The following SUGCT variants were observed in gnomAD, a reference collection of about 807,000 sequenced individuals.
SUGCT encodes succinyl-CoA:glutarate-CoA transferase.
Under a neutral mutation model 55.0 loss-of-function variants are expected in SUGCT, and 41 were observed. The observed-to-expected ratio is 0.74, with a 90% confidence interval of 0.58 to 0.97. The LOEUF (loss-of-function observed/expected upper bound fraction) is 0.97, where lower values mean the gene tolerates loss of function less well. Among genes scored for constraint, SUGCT ranks in the 50% least tolerant of loss-of-function variants. The pLI, the probability that SUGCT is intolerant of heterozygous loss-of-function variation, is 0.00. For missense variants in SUGCT, 568 were observed against 547.8 expected (o/e 1.04, Z -0.37); for synonymous variants, 187 against 200.4 (o/e 0.93, Z 0.56).
intron 12 of SUGCT, among the ~76,000 whole-genome samples, chr7:40,575,743 C>T (rs562226787): frequency 1.5e-4 from 23 of 151,894 alleles, no homozygotes; most frequent in Non-Finnish European, 2.6e-4. Context: ...GTCAGGAGTT[C>T]GAGACCAGCC....
At chr7:40,379,836 G>A (rs957733320) in intron 9 of SUGCT, among the ~76,000 whole-genome samples, 1 of 152,190 alleles carries the variant, frequency 6.6e-6, no homozygotes, top group African/African-American at 2.4e-5. Context: ...CCCTGGGCAT[G>A]CAAACGTTTC....
chr7:40,558,188 G>A (rs967568782), intron 12 of SUGCT, among the ~76,000 whole-genome samples: 1 of 152,064 alleles, frequency 6.6e-6, no homozygotes, highest in East Asian at 1.9e-4. Flanking sequence ...AAATGGTGCA[G>A]CCTCTGTGAA....
At chr7:40,906,148 C>A in the SUGCT span, among the ~76,000 whole-genome samples, 1 of 149,784 alleles carries the variant, frequency 6.7e-6, no homozygotes, top group Non-Finnish European at 1.5e-5. Flanking sequence ...TTTTTTTTTG[C>A]ATCAAACTTC....
chr7:40,965,683 G>A, the SUGCT span: 3 of 152,138 alleles, frequency 2.0e-5, no homozygotes, highest in Admixed American at 1.3e-4. Flanking sequence ...GTTGATTTAA[G>A]TTTCAGAGAT....
chr7:40,495,103 G>C (rs1209879125), intron 11 of SUGCT, among the ~76,000 whole-genome samples: 2 of 151,866 alleles, frequency 1.3e-5, no homozygotes, highest in Admixed American at 6.6e-5. Flanking sequence ...GTAGAGACAG[G>C]GTTTCACCAT....
rs1790360007 is a variant in SUGCT, at chr7:40,470,747, G to GTT, written c.986+11550_986+11551insTT. On this transcript the variant is annotated intron_variant, in intron 11 of 13. Transcript: ENST00000335693. Reference sequence around the variant, plus strand: ...GCTAGGAAAAGAAACTAAGTGAACAGTCTCTCTCTCTCTCTCTCTCTCTCT... The same window carrying GTT: ...GCTAGGAAAAGAAACTAAGTGAACAGTTTCTCTCTCTCTCTCTCTCTCTCTCT... 2.0e-5 allele frequency among the ~76,000 whole-genome samples: 3 copies of GTT among 146,384 alleles called. No individual in the cohort carries two copies. In the South Asian group the frequency reaches 6.6e-4, roughly 32 times the overall value.
chr7:40,178,550 G>A (rs1529066), intron 1 of SUGCT, among the ~76,000 whole-genome samples: 1 of 147,894 alleles, frequency 6.8e-6, no homozygotes, highest in African/African-American at 2.5e-5. Flanking sequence ...AATTTTAAGG[G>A]TTTTTTTTTT....
chr7:41,014,462 G>T, the SUGCT span, among the ~76,000 whole-genome samples: 1 of 150,464 alleles, frequency 6.6e-6, no homozygotes, highest in African/African-American at 2.4e-5. Flanking sequence ...AAGTGAGAAG[G>T]GGCCTATTAT....
intron 6 of SUGCT, among the ~76,000 whole-genome samples, chr7:40,216,116 TTTTTTTTTTAACTTG>T (rs1450821003): frequency 6.6e-6 from 1 of 152,006 alleles, no homozygotes; most frequent in East Asian, 1.9e-4. Context: ...AGGCTTTTTT[TTTTTTTTTTAACTTG>T]TTTTGGGAAA....
intron 11 of SUGCT, among the ~76,000 whole-genome samples, chr7:40,475,876 G>A (rs1429040276): frequency 6.6e-6 from 1 of 151,922 alleles, no homozygotes; most frequent in Non-Finnish European, 1.5e-5. Context: ...CTATAAATAA[G>A]TCTATCAAAT....
At chr7:40,979,560 C>A in the SUGCT span, 151,716 of 152,366 alleles carry the variant, frequency 1, 75,533 homozygotes, top group Middle Eastern at 1. Context: ...GTGAAACTTC[C>A]TTTTGACACA....
At chr7:40,160,311 C>G (rs1784085892) in intron 1 of SUGCT, among the ~76,000 whole-genome samples, 1 of 152,188 alleles carries the variant, frequency 6.6e-6, no homozygotes, top group South Asian at 2.1e-4. Context: ...TCACTGCAAC[C>G]TCTTGCTCCC....
At chr7:40,248,917 C>CACACAT (rs1554296257) in intron 7 of SUGCT, among the ~76,000 whole-genome samples, 3 of 146,920 alleles carry the variant, frequency 2.0e-5, no homozygotes, top group African/African-American at 7.4e-5. Context: ...CACGCACACA[C>CACACAT]ACACACACTC....
the SUGCT span, among the ~76,000 whole-genome samples, chr7:40,889,499 G>A: frequency 6.6e-6 from 1 of 151,974 alleles, no homozygotes; most frequent in Admixed American, 6.6e-5. Context: ...CCTTTTTAAG[G>A]GCCTGATCAT....
intron 13 of SUGCT, among the ~76,000 whole-genome samples, chr7:40,827,688 A>G (rs1443117571): frequency 2.6e-5 from 4 of 152,146 alleles, no homozygotes; most frequent in African/African-American, 9.7e-5. Flanking sequence ...CTTTGTGGCC[A>G]GGATACTTGA....
At chr7:40,150,039 G>C (rs1187403018) in intron 1 of SUGCT, among the ~76,000 whole-genome samples, 1 of 150,666 alleles carries the variant, frequency 6.6e-6, no homozygotes. Flanking sequence ...GTTGCAGTGA[G>C]CCAAGATCAC....
chr7:40,969,269 T>C, the SUGCT span, among the ~76,000 whole-genome samples: 3 of 152,250 alleles, frequency 2.0e-5, no homozygotes, highest in Non-Finnish European at 4.4e-5. Context: ...CTGCTTATGA[T>C]AAGGGATCAC....
chr7:40,473,154 GC>G (rs1386322100), intron 11 of SUGCT, among the ~76,000 whole-genome samples: 1 of 152,124 alleles, frequency 6.6e-6, no homozygotes, highest in East Asian at 1.9e-4. Context: ...AATGACTTCT[GC>G]CATAAGTAGC....
At chr7:40,329,359 C>CT (rs1796185516) in intron 9 of SUGCT, among the ~76,000 whole-genome samples, 1 of 152,240 alleles carries the variant, frequency 6.6e-6, no homozygotes, top group South Asian at 2.1e-4. Flanking sequence ...CTGTTTCCTT[C>CT]TTAAGTTTGC....
Sources: allele counts gnomAD v4.1 joint callset (sites outside exome capture counted in the v4.1 genomes callset), GRCh38; gene constraint gnomAD v4.1.1; transcripts MANE v1.5; gene names NCBI Gene and HGNC (gene_info 2026-07-23, HGNC 2026-07-21).